Variants in EHBP1 observed in about 807,000 individuals in gnomAD.
EHBP1 encodes EH domain-binding protein 1.
EHBP1 carries 55 observed loss-of-function variants against 144.0 expected under a neutral mutation model. The observed-to-expected ratio is 0.38, with a 90% CI of 0.31 to 0.48. The LOEUF (loss-of-function observed/expected upper bound fraction) is 0.48, where lower values mean the gene tolerates loss of function less well. EHBP1 is among the 20% of genes least tolerant of loss of function. The pLI is 0.98. For missense variants in EHBP1, 1,200 were observed against 1,364.2 expected (o/e 0.88, Z 1.90); for synonymous variants, 469 against 472.7 (o/e 0.99, Z 0.10).
At chr2:62,944,614 G>T (rs1487023537) in intron 12 of EHBP1, among the ~76,000 whole-genome samples, 1 of 152,160 alleles carries the variant, frequency 6.6e-6, no homozygotes, top group African/African-American at 2.4e-5. Context: ...AGCAACACAT[G>T]ACTATATTTT....
intron 8 of EHBP1, 48 bp from the exon 9 acceptor site, chr2:62,864,683 T>G: frequency 6.5e-7 from 1 of 1,532,238 alleles, no homozygotes; most frequent in South Asian, 1.2e-5. Context: ...TATTAGAAAA[T>G]ATCATATGGT....
chr2:62,997,790 A>G (rs1450444626), intron 19 of EHBP1, among the ~76,000 whole-genome samples: 6 of 152,148 alleles, frequency 3.9e-5, no homozygotes, highest in East Asian at 3.9e-4. Context: ...AGCATATTAG[A>G]ACAGGAAGGA....
intron 19 of EHBP1, among the ~76,000 whole-genome samples, chr2:63,024,601 CAAAAAA>C (rs35534053): frequency 1.1e-3 from 119 of 107,470 alleles, no homozygotes; most frequent in Non-Finnish European, 2.0e-3. Context: ...GACCCTGTCT[CAAAAAA>C]AAAAAAAAAA....
intron 4 of EHBP1, among the ~76,000 whole-genome samples, chr2:62,766,169 A>G (rs1294399065): frequency 6.6e-6 from 1 of 152,166 alleles, no homozygotes; most frequent in Non-Finnish European, 1.5e-5. Flanking sequence ...AGAAGTAACT[A>G]AGGAGTTTGG....
At chr2:62,847,705 A>G (rs926391810) in intron 7 of EHBP1, among the ~76,000 whole-genome samples, 1 of 152,182 alleles carries the variant, frequency 6.6e-6, no homozygotes, top group African/African-American at 2.4e-5. Context: ...ATGTACGAGC[A>G]AGTCATAGAT....
intron 3 of EHBP1, among the ~76,000 whole-genome samples, chr2:62,756,768 CAAAAAAA>C (rs34717027): frequency 2.6e-5 from 2 of 76,662 alleles, no homozygotes; most frequent in African/African-American, 4.9e-5. Flanking sequence ...AACTCTATCT[CAAAAAAA>C]AAAAAAAAAA....
At chr2:62,989,937 A>C (rs770305014) in intron 15 of EHBP1, among the ~76,000 whole-genome samples, 4 of 152,204 alleles carry the variant, frequency 2.6e-5, no homozygotes, top group African/African-American at 9.6e-5. Context: ...TAATGACAAT[A>C]GCATTTATTA....
chr2:63,012,152 A>T (rs1051294702), intron 19 of EHBP1, among the ~76,000 whole-genome samples: 6 of 151,990 alleles, frequency 3.9e-5, no homozygotes, highest in Non-Finnish European at 7.4e-5. Flanking sequence ...CATCATTTTA[A>T]TTTCATGCTC....
intron 13 of EHBP1, among the ~76,000 whole-genome samples, chr2:62,953,160 T>C (rs938751010): frequency 7.8e-6 from 1 of 127,696 alleles, no homozygotes; most frequent in Non-Finnish European, 1.5e-5. Flanking sequence ...GAGGTTGCGG[T>C]GAGCCGAGCT....
chr2:62,735,295 G>C (rs1358314741), intron 2 of EHBP1, among the ~76,000 whole-genome samples: 1 of 149,478 alleles, frequency 6.7e-6, no homozygotes, highest in South Asian at 2.1e-4. Context: ...TTTTTTTTGT[G>C]GTTGCGTTAG....
chr2:62,905,914 C>T (rs376932287), intron 10 of EHBP1, among the ~76,000 whole-genome samples: 37 of 152,002 alleles, frequency 2.4e-4, no homozygotes, highest in African/African-American at 8.7e-4. Flanking sequence ...GGGCAAAAAA[C>T]GATGGTAGTT....
At chr2:62,791,501 T>C (rs1452516003) in intron 5 of EHBP1, among the ~76,000 whole-genome samples, 1 of 152,016 alleles carries the variant, frequency 6.6e-6, no homozygotes, top group East Asian at 1.9e-4. Context: ...TTTGCTAATA[T>C]TTTTGGAAAA....
intron 2 of EHBP1, among the ~76,000 whole-genome samples, chr2:62,744,654 A>T (rs1324093446): frequency 6.6e-6 from 1 of 152,094 alleles, no homozygotes; most frequent in African/African-American, 2.4e-5. Flanking sequence ...CTTTTGATCT[A>T]TTTACATTCT....
intron 14 of EHBP1, among the ~76,000 whole-genome samples, 163 bp from the exon 15 acceptor site, chr2:62,979,025 A>T (rs1162209265): frequency 6.6e-6 from 1 of 152,236 alleles, no homozygotes; most frequent in Non-Finnish European, 1.5e-5. Flanking sequence ...TGATTCTAAG[A>T]TGTCTTTTAA....
At chr2:62,723,733 A>G (rs1187281853) in intron 2 of EHBP1, among the ~76,000 whole-genome samples, 2 of 152,162 alleles carry the variant, frequency 1.3e-5, no homozygotes, top group Non-Finnish European at 2.9e-5. Context: ...TCCTTCGCTT[A>G]TGAAGCTTAG....
chr2:62,836,236 A>G (rs1162988238), intron 7 of EHBP1, among the ~76,000 whole-genome samples: 1 of 152,232 alleles, frequency 6.6e-6, no homozygotes, highest in African/African-American at 2.4e-5. Flanking sequence ...GGGCACACTG[A>G]CACCTCACAC....
chr2:62,905,397 G>C (rs747135535), intron 10 of EHBP1, among the ~76,000 whole-genome samples: 7 of 152,240 alleles, frequency 4.6e-5, no homozygotes, highest in Admixed American at 1.3e-4. Context: ...GGAATGAATA[G>C]TGCAGGATGA....
At chr2:62,694,768 C>T (rs941522694) in intron 1 of EHBP1, among the ~76,000 whole-genome samples, 2 of 152,154 alleles carry the variant, frequency 1.3e-5, no homozygotes, top group Non-Finnish European at 2.9e-5. Context: ...CTCCTGGCTT[C>T]CTCTGTTTTG....
intron 4 of EHBP1, among the ~76,000 whole-genome samples, chr2:62,764,892 A>G (rs1345011761): frequency 6.6e-6 from 1 of 152,088 alleles, no homozygotes; most frequent in African/African-American, 2.4e-5. Context: ...TAAGAAAGTT[A>G]TCAGTATGTT....
Sources: allele counts gnomAD v4.1 joint callset (sites outside exome capture counted in the v4.1 genomes callset), GRCh38; gene constraint gnomAD v4.1.1; transcripts MANE v1.5; gene names NCBI Gene and HGNC (gene_info 2026-07-23, HGNC 2026-07-21).